The following LMAN1L variants were observed in gnomAD, a reference collection of about 807,000 sequenced individuals.
LMAN1L encodes the protein lectin, mannose binding 1 like, also known as protein ERGIC-53-like.
LMAN1L carries 60 observed loss-of-function variants against 58.3 expected under a neutral mutation model. That is an observed-to-expected ratio of 1.03 (90% confidence interval 0.84 to 1.27). The LOEUF is 1.27. Among genes scored for constraint, LMAN1L ranks in the 50% most tolerant of loss-of-function variants. LMAN1L has a pLI of 0.00. For missense variants in LMAN1L, 629 were observed against 674.0 expected (o/e 0.93, Z 0.74); for synonymous variants, 280 against 271.6 (o/e 1.03, Z -0.31).
rs375617863 is a variant in LMAN1L at position 74,825,734 on chromosome 15, G to C, written c.*129G>C. ...TGAGCTTTCGGCATGCTCCCACCTCGTTAAAGGTGATTTCCCTCTCCCCAT... is the reference window on the plus strand; with the variant it reads ...TGAGCTTTCGGCATGCTCCCACCTCCTTAAAGGTGATTTCCCTCTCCCCAT... On this transcript the variant is annotated 3_prime_UTR_variant, in exon 14 of 14. Coordinates refer to ENST00000309664, the MANE Select transcript of LMAN1L (RefSeq NM_021819.3). The C allele has an allele frequency of 2.3e-6, 2 of 858,560 alleles. No individual in the cohort carries two copies. Among genetic ancestry groups the C allele is most frequent in the Non-Finnish European group, 1.8e-6 (1 of 557,960 alleles). The allele number at this position is 858,560 out of a possible 1,614,324, so 53.2% of individuals were successfully genotyped here.
At chr15:74,817,487 C>A (rs561702872) in intron 4 of LMAN1L, among the ~76,000 whole-genome samples, 1 of 152,210 alleles carries the variant, frequency 6.6e-6, no homozygotes, top group African/African-American at 2.4e-5. Flanking sequence ...CACTGTCAGA[C>A]GCTCTGCTGT....
At chr15:74,821,796 T>C (rs1440476770) in intron 9 of LMAN1L, 33 bp from the exon 10 acceptor site, 1 of 1,515,956 alleles carries the variant, frequency 6.6e-7, no homozygotes, top group Admixed American at 1.7e-5. Flanking sequence ...GGACTTACAC[T>C]CCAGGGCCAA....
rs192659986 is a variant in LMAN1L at position 74,818,655 on chromosome 15, C to G, written c.498-63C>G. Reference sequence around the variant, plus strand: ...GTTGCAATGAGCCACAACTGCACCACTGCACTCCAGCCTGGGCAGCGACTC... The same window carrying G: ...GTTGCAATGAGCCACAACTGCACCAGTGCACTCCAGCCTGGGCAGCGACTC... On this transcript the variant is annotated intron_variant, in intron 4 of 13. Coordinates refer to ENST00000309664, the MANE Select transcript of LMAN1L (RefSeq NM_021819.3). 74 of 1,260,696 alleles carry G rather than the reference C, an allele frequency of 5.9e-5. No homozygotes were observed. The African/African-American group carries it at 1.0e-3, about 17-fold the overall frequency. 78.1% of individuals were successfully genotyped at this position (1,260,696 alleles called of 1,614,324 possible).
intron 8 of LMAN1L, 80 bp downstream of exon 8, chr15:74,820,847 A>G: frequency 6.5e-7 from 1 of 1,536,590 alleles, no homozygotes; most frequent in Non-Finnish European, 8.8e-7. Flanking sequence ...GGGTCCTTTA[A>G]TCAGTAGGGA....
rs559911316 is a variant in LMAN1L, at chr15:74,824,016, C to T, written c.1323+334C>T. ...GATCACTGAGTCCAGTGGTAGTCAGCGCTTCCCCATGCCCTGTCCCATCCT... is the reference window on the plus strand; with the variant it reads ...GATCACTGAGTCCAGTGGTAGTCAGTGCTTCCCCATGCCCTGTCCCATCCT... On this transcript the variant is annotated intron_variant, in intron 12 of 13. Transcript: ENST00000309664. 90 of 491,170 alleles carry T rather than the reference C, an allele frequency of 1.8e-4. 1 individual carries two copies. Among genetic ancestry groups the T allele is most frequent in the South Asian group, 3.4e-4 (12 of 35,674 alleles). 30.4% of individuals were successfully genotyped at this position (491,170 alleles called of 1,614,324 possible).
At chr15:74,817,712 AAAG>A (rs1567223936) in intron 4 of LMAN1L, among the ~76,000 whole-genome samples, 1 of 152,028 alleles carries the variant, frequency 6.6e-6, no homozygotes, top group Admixed American at 6.6e-5. Flanking sequence ...TTGGAGTTTA[AAAG>A]AAGGAGGAGG....
intron 13 of LMAN1L, 130 bp downstream of exon 13, chr15:74,824,608 C>A: frequency 1.8e-6 from 2 of 1,103,364 alleles, no homozygotes; most frequent in Non-Finnish European, 2.7e-6. Flanking sequence ...TCACAAAGAG[C>A]ACAGTGCGGG....
chr15:74,821,268 T>C (rs1178141748), intron 9 of LMAN1L, 42 bp downstream of exon 9: 1 of 1,541,656 alleles, frequency 6.5e-7, no homozygotes, highest in African/African-American at 1.4e-5. Context: ...CCTGCGGGCC[T>C]GAAAGAGGAG....
chr15:74,821,348 C>T, intron 9 of LMAN1L, 122 bp downstream of exon 9: 1 of 1,191,846 alleles, frequency 8.4e-7, no homozygotes, highest in Non-Finnish European at 1.2e-6. Context: ...TGAAATGCTG[C>T]AGGTCACAGG....
At chr15:74,813,135 G>A (rs2063873284) in intron 1 of LMAN1L, 106 bp downstream of exon 1, 2 of 1,285,260 alleles carry the variant, frequency 1.6e-6, no homozygotes, top group Non-Finnish European at 2.2e-6. Context: ...TCTGTCCAGG[G>A]TGGGGCAAGG....
chr15:74,816,062 C>T, intron 1 of LMAN1L, 95 bp from the exon 2 acceptor site: 1 of 1,434,488 alleles, frequency 7.0e-7, no homozygotes, highest in South Asian at 1.4e-5. Context: ...GCATTGTCGC[C>T]TTCTCTTCCG....
chr15:74,814,644 A>G (rs2063882772), intron 1 of LMAN1L, among the ~76,000 whole-genome samples: 1 of 152,238 alleles, frequency 6.6e-6, no homozygotes, highest in South Asian at 2.1e-4. Context: ...AAGTGCTGGG[A>G]TTACAGGCGA....
Position 74,819,287 on chromosome 15 carries a change from G to T in LMAN1L, c.718+15G>T. On this transcript the variant is annotated intron_variant, in intron 6 of 13. Transcript: ENST00000309664. ...CACCCTGGCAGGTGAGGATCCCACT[G>T]GACAGGTAAGAGCAGAAGGGCAGTG... 6.2e-7 allele frequency: 1 copy of T among 1,613,614 alleles called. No homozygotes were observed. Among genetic ancestry groups the T allele is most frequent in the Non-Finnish European group, 8.5e-7 (1 of 1,179,740 alleles).
At chr15:74,816,355 G>C (rs1398392078) in intron 2 of LMAN1L, 44 bp downstream of exon 2, 27 of 1,604,712 alleles carry the variant, frequency 1.7e-5, no homozygotes, top group Non-Finnish European at 2.3e-5. Flanking sequence ...GTGGGTCAGG[G>C]AGGCGGGTGA....
At chr15:74,818,667 C>G in intron 4 of LMAN1L, 51 bp from the exon 5 acceptor site, 1 of 1,407,766 alleles carries the variant, frequency 7.1e-7, no homozygotes, top group African/African-American at 1.4e-5. Flanking sequence ...GCACTCCAGC[C>G]TGGGCAGCGA....
intron 4 of LMAN1L, among the ~76,000 whole-genome samples, chr15:74,817,487 C>T (rs561702872): frequency 6.6e-6 from 1 of 152,210 alleles, no homozygotes; most frequent in African/African-American, 2.4e-5. Context: ...CACTGTCAGA[C>T]GCTCTGCTGT....
At chr15:74,824,278 T>C (rs2063930881) in intron 12 of LMAN1L, 73 bp from the exon 13 acceptor site, 1 of 1,426,500 alleles carries the variant, frequency 7.0e-7, no homozygotes, top group African/African-American at 1.4e-5. Context: ...AGCATGCACA[T>C]GGCCTAGATT....
intron 1 of LMAN1L, chr15:74,813,508 G>A (rs61166890): frequency 0.048 from 22,092 of 456,298 alleles, 1,165 homozygotes; most frequent in East Asian, 0.25. Context: ...TTCCCTGTAT[G>A]TGTGTTGTGG....
chr15:74,823,437 C>G (rs1375323913), intron 11 of LMAN1L, 122 bp from the exon 12 acceptor site: 1 of 1,080,380 alleles, frequency 9.3e-7, no homozygotes, highest in Non-Finnish European at 1.3e-6. Context: ...AGAAGGGGCC[C>G]CATGGATGGT....
Sources: allele counts gnomAD v4.1 joint callset (sites outside exome capture counted in the v4.1 genomes callset), GRCh38; gene constraint gnomAD v4.1.1; transcripts MANE v1.5; gene names NCBI Gene and HGNC (gene_info 2026-07-23, HGNC 2026-07-21).